Variants in MAPKAP1 observed in about 807,000 individuals in gnomAD.
MAPKAP1 encodes the protein MAPK associated protein 1.
In MAPKAP1, 20 loss-of-function variants were observed where a neutral mutation model predicts 65.7. That is an observed-to-expected ratio of 0.30 (90% confidence interval 0.21 to 0.44). MAPKAP1 has a LOEUF of 0.44. MAPKAP1 is among the 20% of genes least tolerant of loss of function. The pLI is 1.00. For synonymous variants in MAPKAP1, 222 were observed against 244.3 expected (o/e 0.91, Z 0.85); for missense variants, 423 against 648.0 (o/e 0.65, Z 3.77).
intron 11 of MAPKAP1, 65 bp downstream of exon 11, chr9:125,444,436 C>A: frequency 7.7e-7 from 1 of 1,298,426 alleles, no homozygotes; most frequent in Admixed American, 1.9e-5. Context: ...GCGGCCATGC[C>A]GCAAACAGCC....
rs1232346617 is a variant in MAPKAP1, at chr9:125,438,737, A to G, written c.*150T>C. ...AGCGCTCCCTCCTAGGGGGCCCCCG[A>G]CACCTTCCCCGAGAGCCCACCTGCC... On this transcript the variant is annotated 3_prime_UTR_variant, in exon 12 of 12. Transcript: ENST00000265960. The G allele has an allele frequency of 1.8e-6, 2 of 1,086,374 alleles. No individual in the cohort carries two copies. The highest frequency in any genetic ancestry group is 1.3e-6 in the Non-Finnish European group (1 of 756,432). The allele number at this position is 1,086,374 out of a possible 1,614,324, so 67.3% of individuals were successfully genotyped here.
intron 7 of MAPKAP1, among the ~76,000 whole-genome samples, chr9:125,523,092 C>G (rs1179558463): frequency 1.3e-5 from 2 of 152,164 alleles, no homozygotes; most frequent in Admixed American, 6.5e-5. Context: ...AATAGGATTT[C>G]TACAATCCCC....
intron 8 of MAPKAP1, among the ~76,000 whole-genome samples, chr9:125,491,640 G>A (rs930972714): frequency 3.3e-5 from 5 of 151,614 alleles, no homozygotes; most frequent in East Asian, 3.9e-4. Context: ...AAGCAGCCAG[G>A]CTTAGTGGTG....
chr9:125,608,572 T>C (rs934084011), intron 4 of MAPKAP1, among the ~76,000 whole-genome samples: 1 of 152,208 alleles, frequency 6.6e-6, no homozygotes, highest in Non-Finnish European at 1.5e-5. Flanking sequence ...GTTGGGAAAG[T>C]GGAGACATCA....
At chr9:125,509,483 A>C (rs75118898) in intron 7 of MAPKAP1, among the ~76,000 whole-genome samples, 112 of 152,338 alleles carry the variant, frequency 7.4e-4, no homozygotes, top group Middle Eastern at 3.4e-3. Context: ...AAAGTTCTCC[A>C]ATTTCTTACT....
chr9:125,469,702 T>A (rs1853825832), intron 9 of MAPKAP1, among the ~76,000 whole-genome samples: 1 of 152,212 alleles, frequency 6.6e-6, no homozygotes. Context: ...GAACACCATA[T>A]TTCAATTAGG....
In MAPKAP1 at chr9:125,521,465, T is replaced by C. The variant is rs990109643; in HGVS notation, c.959-15048A>G. The C allele has an allele frequency of 5.0e-6, 6 of 1,209,744 alleles. No individual in the cohort carries two copies. In the African/African-American group the frequency reaches 7.9e-5, roughly 16 times the overall value. 74.9% of individuals were successfully genotyped at this position (1,209,744 alleles called of 1,614,324 possible). Reference sequence around the variant, plus strand: ...CTGTTGCTCTGTAAAGAAATACAGATGGTTTTGTGGAAATAAACAGTCATT... The same window carrying C: ...CTGTTGCTCTGTAAAGAAATACAGACGGTTTTGTGGAAATAAACAGTCATT... On this transcript the variant is annotated intron_variant, in intron 7 of 11. Transcript: ENST00000265960.
At chr9:125,445,145 C>G (rs1428849297) in intron 10 of MAPKAP1, among the ~76,000 whole-genome samples, 4 of 149,556 alleles carry the variant, frequency 2.7e-5, no homozygotes, top group Non-Finnish European at 1.5e-5. Context: ...AGGATGGGGG[C>G]GGGGGGGGCA....
At chr9:125,643,843 G>A (rs1178861036) in intron 4 of MAPKAP1, among the ~76,000 whole-genome samples, 1 of 152,084 alleles carries the variant, frequency 6.6e-6, no homozygotes, top group Non-Finnish European at 1.5e-5. Context: ...TGCCAACATG[G>A]GAAATGCTTC....
chr9:125,672,461 T>C lies in MAPKAP1; in HGVS notation c.114A>G (p.Leu38=), dbSNP rs1278809491. 6.2e-7 allele frequency: 1 copy of C among 1,614,196 alleles called. No homozygotes were observed. The highest frequency in any genetic ancestry group is 1.1e-5 in the South Asian group (1 of 91,088). The part of the protein sequence containing the change: ...EMVLIDHDVD[L]EKIHPPSMPG... ...GCATTGAAGGAGGATGAATCTTCTCTAGGTCAACATCATGATCAATGAGAA... is the reference window on the plus strand; with the variant it reads ...GCATTGAAGGAGGATGAATCTTCTCCAGGTCAACATCATGATCAATGAGAA... Residue 38 remains leucine (L), a synonymous_variant, in exon 2 of 12, where the codon CTA becomes CTG. Transcript: ENST00000265960.
chr9:125,544,522 A>G (rs1830365065), intron 6 of MAPKAP1, among the ~76,000 whole-genome samples: 1 of 152,218 alleles, frequency 6.6e-6, no homozygotes, highest in Admixed American at 6.5e-5. Flanking sequence ...ACAGAAGCCC[A>G]TCTCCTGTGT....
At chr9:125,443,575 GTCCT>G in intron 11 of MAPKAP1, among the ~76,000 whole-genome samples, 1 of 152,060 alleles carries the variant, frequency 6.6e-6, no homozygotes, top group Non-Finnish European at 1.5e-5. Flanking sequence ...ATGATCTCAG[GTCCT>G]ATCCCAGACC....
At chr9:125,635,748 A>G (rs1564594734) in intron 4 of MAPKAP1, among the ~76,000 whole-genome samples, 1 of 152,202 alleles carries the variant, frequency 6.6e-6, no homozygotes. Context: ...GAGAGATACA[A>G]TCATGAAATT....
intron 5 of MAPKAP1, among the ~76,000 whole-genome samples, chr9:125,563,744 C>G (rs576337173): frequency 1.3e-5 from 2 of 151,578 alleles, no homozygotes; most frequent in East Asian, 1.9e-4. Context: ...GAGATGGAGT[C>G]TTGCTCTTGT....
At chr9:125,497,606 G>A (rs1248852918) in intron 8 of MAPKAP1, among the ~76,000 whole-genome samples, 1 of 152,164 alleles carries the variant, frequency 6.6e-6, no homozygotes, top group African/African-American at 2.4e-5. Flanking sequence ...TTGTGAAATA[G>A]ATTCATTCAC....
chr9:125,644,908 A>C (rs1833682006), intron 4 of MAPKAP1, among the ~76,000 whole-genome samples: 1 of 152,228 alleles, frequency 6.6e-6, no homozygotes, highest in Non-Finnish European at 1.5e-5. Flanking sequence ...TATCTAATTG[A>C]ATATGAAAAA....
intron 6 of MAPKAP1, among the ~76,000 whole-genome samples, chr9:125,547,109 A>C (rs2133182204): frequency 6.6e-6 from 1 of 152,274 alleles, no homozygotes; most frequent in Middle Eastern, 3.4e-3. Flanking sequence ...TTTTAAAAAG[A>C]GACTCCTTGC....
intron 4 of MAPKAP1, among the ~76,000 whole-genome samples, chr9:125,605,633 A>T (rs1832419345): frequency 6.6e-6 from 1 of 152,196 alleles, no homozygotes; most frequent in African/African-American, 2.4e-5. Flanking sequence ...CACAGGCTCC[A>T]CGGCTGGCAT....
At position 125,545,831 on chromosome 9, in the gene MAPKAP1, C is replaced by T. The variant is rs559419711; in HGVS notation, c.849-2663G>A. ...AGGTTAAAGCAAGCAGAGGAAATCCCTGGCACTTATCATCCACAGGCATTA... is the reference window on the plus strand; with the variant it reads ...AGGTTAAAGCAAGCAGAGGAAATCCTTGGCACTTATCATCCACAGGCATTA... On this transcript the variant is annotated intron_variant, in intron 6 of 11. Transcript: ENST00000265960. Among the ~76,000 whole-genome samples the T allele has an allele frequency of 5.3e-5, 8 of 152,274 alleles. No homozygotes were observed. The East Asian group carries it at 1.3e-3, about 26-fold the overall frequency.
Sources: gnomAD v4.1 joint callset for allele counts (sites outside exome capture counted in the v4.1 genomes callset) on GRCh38, gnomAD v4.1.1 for gene constraint, MANE v1.5 for transcripts, NCBI Gene and HGNC (gene_info 2026-07-23, HGNC 2026-07-21) for gene names.